Variants in NAV1 observed in about 807,000 individuals in gnomAD.
The protein encoded by NAV1 is pore membrane and/or filament interacting like protein 3.
A neutral mutation model predicts 175.2 loss-of-function variants in NAV1; 18 were observed. The ratio of observed to expected loss-of-function variants is 0.10; its 90% CI spans 0.07 to 0.15. The LOEUF (loss-of-function observed/expected upper bound fraction) is 0.15, where lower values mean the gene tolerates loss of function less well. Ranked by LOEUF, NAV1 falls within the 10% of genes least tolerant of loss-of-function variation. The pLI is 1.00. For missense variants in NAV1, 1,731 were observed against 2,436.6 expected, an observed-to-expected ratio of 0.71 and a Z score of 6.10; for synonymous variants, 897 against 978.7, an observed-to-expected ratio of 0.92 and a Z score of 1.56.
At chr1:201,736,979 C>A in intron 3 of NAV1, among the ~76,000 whole-genome samples, 1 of 152,030 alleles carries the variant, frequency 6.6e-6, no homozygotes, top group Middle Eastern at 3.4e-3. Flanking sequence ...CATTGCCCAT[C>A]CCCCACCCTC....
chr1:201,786,149 TGAG>T (rs1676732520), intron 8 of NAV1, among the ~76,000 whole-genome samples: 1 of 152,194 alleles, frequency 6.6e-6, no homozygotes. Context: ...CCTGAACTTC[TGAG>T]GAGAAGTTCT....
At chr1:201,547,745 C>A (rs945297832) in intron 1 of NAV1, among the ~76,000 whole-genome samples, 4 of 152,268 alleles carry the variant, frequency 2.6e-5, no homozygotes, top group Non-Finnish European at 5.9e-5. Context: ...TAAAAACCTG[C>A]GTCTTTTACA....
At chr1:201,580,111 G>A (rs1187567146) in intron 1 of NAV1, among the ~76,000 whole-genome samples, 2 of 152,212 alleles carry the variant, frequency 1.3e-5, no homozygotes, top group African/African-American at 4.8e-5. Context: ...AGCTCCAGGA[G>A]AGAGAGAGCA....
chr1:201,815,697 T>C (rs887221808), intron 28 of NAV1, among the ~76,000 whole-genome samples: 10 of 152,174 alleles, frequency 6.6e-5, no homozygotes, highest in Non-Finnish European at 1.3e-4. Context: ...TTAATAACAA[T>C]GTATCATATA....
At chr1:201,749,154 A>G (rs1673948875) in intron 3 of NAV1, among the ~76,000 whole-genome samples, 1 of 152,194 alleles carries the variant, frequency 6.6e-6, no homozygotes, top group Non-Finnish European at 1.5e-5. Flanking sequence ...TTTCAAAAAA[A>G]GAAAAAGACT....
chr1:201,634,634 A>C (rs1668564966), intron 2 of NAV1, among the ~76,000 whole-genome samples: 1 of 152,128 alleles, frequency 6.6e-6, no homozygotes, highest in Non-Finnish European at 1.5e-5. Flanking sequence ...TCTTTAGAGG[A>C]GTACAGGAGG....
At chr1:201,571,386 A>G (rs936933154) in intron 1 of NAV1, among the ~76,000 whole-genome samples, 1 of 152,236 alleles carries the variant, frequency 6.6e-6, no homozygotes, top group Non-Finnish European at 1.5e-5. Flanking sequence ...CTACATAGTC[A>G]TGGCTTAATA....
At chr1:201,691,673 T>C (rs1670951551) in intron 1 of NAV1, among the ~76,000 whole-genome samples, 1 of 152,204 alleles carries the variant, frequency 6.6e-6, no homozygotes, top group Admixed American at 6.5e-5. Flanking sequence ...TAGCGGCTTG[T>C]ATGACCCTGG....
At chr1:201,756,864 CTT>C (rs1222752244) in intron 3 of NAV1, among the ~76,000 whole-genome samples, 67 of 108,152 alleles carry the variant, frequency 6.2e-4, no homozygotes, top group African/African-American at 2.1e-3. Context: ...TTCTTTCTTT[CTT>C]TCTTTCTTTC....
In NAV1 at chr1:201,685,540, T is replaced by C. The variant is rs537337181; in HGVS notation, c.758-27277T>C. Among the ~76,000 whole-genome samples, 143 of 152,176 alleles carry C rather than the reference T, an allele frequency of 9.4e-4. 1 individual carries two copies. The highest frequency in any genetic ancestry group is 1.9e-3 in the Non-Finnish European group (127 of 68,032). On this transcript the variant is annotated intron_variant, in intron 1 of 29. Coordinates refer to ENST00000367296, the Ensembl canonical transcript of NAV1. ...GGTGTTTCTGCTCATTTCCTCTGTA[T>C]CTGGTTCCCTGAACACCTGATATTT... is the stretch of plus-strand genomic sequence containing the variant.
rs1284783354 is a variant in NAV1 at position 201,807,449 on chromosome 1, T to G, written c.3649-504T>G. The stretch of plus-strand genomic sequence containing the variant: ...GTCAGAGGCATCATGAGGTGGCCTC[T>G]GAGGCCCACAGTGAGCCAGGTTCTA... On this transcript the variant is annotated intron_variant, in intron 17 of 29. Transcript: ENST00000367296. This position sits in a 1 kb window ranked among gnomAD's most constrained non-coding sequence, Gnocchi z 5.4. Among the ~76,000 whole-genome samples the G allele has an allele frequency of 2.0e-5, 3 of 152,202 alleles. No individual in the cohort carries two copies. Among genetic ancestry groups the G allele is most frequent in the African/African-American group, 7.2e-5 (3 of 41,454 alleles).
intron 3 of NAV1, among the ~76,000 whole-genome samples, chr1:201,729,438 C>T (rs965068264): frequency 4.6e-5 from 7 of 151,750 alleles, no homozygotes; most frequent in Admixed American, 1.3e-4. Flanking sequence ...GTCGGGAGTT[C>T]GAGACCAGCC....
At chr1:201,753,450 T>C (rs1476420326) in intron 3 of NAV1, among the ~76,000 whole-genome samples, 1 of 152,200 alleles carries the variant, frequency 6.6e-6, no homozygotes, top group African/African-American at 2.4e-5. Context: ...CTGTCTGCGA[T>C]TGAAGAGTGG....
chr1:201,821,067 G>A (rs970170034), exon 30 of NAV1: 3 of 152,312 alleles, frequency 2.0e-5, no homozygotes, highest in Non-Finnish European at 2.9e-5. Flanking sequence ...GAGAGCACAC[G>A]TTCTGCTGGG....
At chr1:201,820,709 C>T (rs1177023973) in exon 30 of NAV1, 1 of 152,104 alleles carries the variant, frequency 6.6e-6, no homozygotes, top group East Asian at 1.9e-4. Context: ...TCTTTCTACC[C>T]TCTAATTTAA....
intron 1 of NAV1, among the ~76,000 whole-genome samples, chr1:201,556,232 A>G (rs1470056405): frequency 6.6e-6 from 1 of 152,088 alleles, no homozygotes; most frequent in East Asian, 1.9e-4. Flanking sequence ...GACAACATAC[A>G]GAGTCCCCAT....
chr1:201,770,945 A>G (rs1675536122), intron 3 of NAV1, among the ~76,000 whole-genome samples: 1 of 152,170 alleles, frequency 6.6e-6, no homozygotes, highest in African/African-American at 2.4e-5. Flanking sequence ...GAACCTGAGA[A>G]CAGGGCAGGA....
At chr1:201,635,638 C>T (rs564192328) in intron 2 of NAV1, among the ~76,000 whole-genome samples, 1 of 152,314 alleles carries the variant, frequency 6.6e-6, no homozygotes, top group South Asian at 2.1e-4. Flanking sequence ...CCCCTTCGCC[C>T]TGAGTGCTTG....
intron 1 of NAV1, among the ~76,000 whole-genome samples, chr1:201,696,070 G>T (rs1671176524): frequency 6.6e-6 from 1 of 152,214 alleles, no homozygotes; most frequent in Non-Finnish European, 1.5e-5. Flanking sequence ...TCTGCATCCA[G>T]CCTTGCACTT....
Sources: allele counts gnomAD v4.1 joint callset (sites outside exome capture counted in the v4.1 genomes callset), GRCh38; gene constraint gnomAD v4.1.1; non-coding constraint Gnocchi (gnomAD v3.1); transcripts MANE v1.5; gene names NCBI Gene and HGNC (gene_info 2026-07-23, HGNC 2026-07-21).